The following FBXO3 variants were observed in gnomAD, a reference collection of about 807,000 sequenced individuals.
The protein encoded by FBXO3 is F-box only protein 3.
A neutral mutation model predicts 64.8 loss-of-function variants in FBXO3; 17 were observed. The ratio of observed to expected loss-of-function variants is 0.26; its 90% CI spans 0.18 to 0.39. FBXO3 has a LOEUF of 0.39. Among genes scored for constraint, FBXO3 ranks in the 10% least tolerant of loss-of-function variants. The probability of loss-of-function intolerance (pLI) is 1.00; values close to 1 mark genes in which losing one functional copy is unlikely to be tolerated. For synonymous variants in FBXO3, 182 were observed against 201.6 expected (o/e 0.90, Z 0.82); for missense variants, 420 against 589.9 (o/e 0.71, Z 2.98).
chr11:33,771,446 C>G (rs1015437393), intron 1 of FBXO3: 16 of 152,186 alleles, frequency 1.1e-4, no homozygotes, highest in African/African-American at 3.9e-4. Flanking sequence ...AAGCAAATAA[C>G]TTTCTTACTA....
In FBXO3 at chr11:33,742,867, G is replaced by A. The variant is rs994928995; in HGVS notation, c.1240-783C>T. Reference sequence around the variant, plus strand: ...GTTCATGTGGGTTGGTGTTTGGGAAGTATTCAGTGGGGTGGTTCTGGGTTG... The same window carrying A: ...GTTCATGTGGGTTGGTGTTTGGGAAATATTCAGTGGGGTGGTTCTGGGTTG... On this transcript the variant is annotated intron_variant, in intron 10 of 10. Coordinates refer to ENST00000265651, the MANE Select transcript of FBXO3 (RefSeq NM_012175.4). 3.3e-5 allele frequency: 5 copies of A among 152,196 alleles called. No homozygotes were observed. The East Asian group carries it at 9.6e-4, about 29-fold the overall frequency. 9.4% of individuals were successfully genotyped at this position (152,196 alleles called of 1,614,324 possible). A position where few individuals can be genotyped will look rare whatever the true frequency, so the allele number is the denominator to read the frequency against.
intron 7 of FBXO3, among the ~76,000 whole-genome samples, chr11:33,750,952 G>T (rs575899177): frequency 1.6e-4 from 25 of 152,108 alleles, no homozygotes; most frequent in African/African-American, 5.1e-4. Flanking sequence ...AGTTTCCAGG[G>T]CTAAGGAAAC....
Position 33,774,253 on chromosome 11 carries a change from C to A in FBXO3, c.104+141G>T. The A allele has an allele frequency of 7.1e-6, 5 of 708,338 alleles. No individual in the cohort carries two copies. In the South Asian group the frequency reaches 9.3e-5, roughly 13 times the overall value. 43.9% of individuals were successfully genotyped at this position (708,338 alleles called of 1,614,324 possible). A position where few individuals can be genotyped will look rare whatever the true frequency, so the allele number is the denominator to read the frequency against. On this transcript the variant is annotated intron_variant, in intron 1 of 10. Coordinates refer to ENST00000265651, the MANE Select transcript of FBXO3 (RefSeq NM_012175.4). The stretch of plus-strand genomic sequence containing the variant: ...GTCTCGCCCCGGTCCCCGGTGGCTC[C>A]GCAGGATGAGGGCGGCCCTGGCGTC...
At chr11:33,748,655 T>C (rs1294767884) in intron 9 of FBXO3, 122 bp downstream of exon 9, 2 of 518,310 alleles carry the variant, frequency 3.9e-6, no homozygotes, top group Non-Finnish European at 6.7e-6. Context: ...GAAAAGTTAA[T>C]GCTTAAGGGA....
At chr11:33,752,011 C>A (rs991260092) in intron 6 of FBXO3, among the ~76,000 whole-genome samples, 1 of 152,224 alleles carries the variant, frequency 6.6e-6, no homozygotes, top group Non-Finnish European at 1.5e-5. Flanking sequence ...AGCACCTATT[C>A]TCAGACGTCC....
At position 33,762,343 on chromosome 11, in the gene FBXO3, A is replaced by G. The variant is rs917075950; in HGVS notation, c.359-3742T>C. ...TGAACTCCGTAACTGCAGAAAATACATTGTTTTTAAGTATACACAAAACAC... is the reference window on the plus strand; with the variant it reads ...TGAACTCCGTAACTGCAGAAAATACGTTGTTTTTAAGTATACACAAAACAC... On this transcript the variant is annotated intron_variant, in intron 3 of 10. Transcript: ENST00000265651. 5.9e-5 allele frequency among the ~76,000 whole-genome samples: 9 copies of G among 152,356 alleles called. No individual in the cohort carries two copies. The East Asian group carries it at 1.3e-3, about 23-fold the overall frequency.
At chr11:33,771,836 C>T (rs542757425) in intron 1 of FBXO3, 2 of 152,324 alleles carry the variant, frequency 1.3e-5, no homozygotes, top group African/African-American at 4.8e-5. Flanking sequence ...TCCATACCCT[C>T]TTCTTGATTC....
chr11:33,773,668 T>C (rs767718074), intron 1 of FBXO3: 4 of 152,248 alleles, frequency 2.6e-5, no homozygotes, highest in Admixed American at 1.3e-4. Flanking sequence ...AAACTGGGCA[T>C]TGAACCACCC....
At chr11:33,766,213 T>C (rs1164542550) in intron 3 of FBXO3, among the ~76,000 whole-genome samples, 1 of 152,184 alleles carries the variant, frequency 6.6e-6, no homozygotes, top group Non-Finnish European at 1.5e-5. Context: ...GTGAAAAAGT[T>C]ATGAGGAGCC....
At chr11:33,753,177 A>T (rs955801552) in intron 6 of FBXO3, 5 of 152,226 alleles carry the variant, frequency 3.3e-5, no homozygotes, top group Non-Finnish European at 5.9e-5. Context: ...GGCAGCTGAA[A>T]GGAAGCTCCT....
chr11:33,750,935 C>T (rs556043041), intron 7 of FBXO3, among the ~76,000 whole-genome samples: 3 of 152,248 alleles, frequency 2.0e-5, no homozygotes, highest in Admixed American at 2.0e-4. Flanking sequence ...CAAAAATGAG[C>T]TTATTCAGTT....
chr11:33,766,372 C>T (rs1365011224), intron 3 of FBXO3, among the ~76,000 whole-genome samples: 2 of 152,194 alleles, frequency 1.3e-5, no homozygotes, highest in Non-Finnish European at 2.9e-5. Context: ...CCTGCTGCCT[C>T]CTTGAATGAA....
At position 33,747,185 on chromosome 11, in the gene FBXO3, G is replaced by A; in HGVS notation, c.1184C>T (p.Ala395Val). The A allele has an allele frequency of 6.2e-7, 1 of 1,610,486 alleles. No individual in the cohort carries two copies. The highest frequency in any genetic ancestry group is 8.5e-7 in the Non-Finnish European group (1 of 1,179,194). ...LYFKDKIFNV[A>V]IPRFHMACPT... Reference sequence around the variant, plus strand: ...ACATGCCATATGGAATCGGGGAATGGCAACATTAAAGATCTTGTCTTTAAA... The same window carrying A: ...ACATGCCATATGGAATCGGGGAATGACAACATTAAAGATCTTGTCTTTAAA... Residue 395 changes from alanine (A) to valine (V), a missense_variant, in exon 10 of 11, where the codon GCC becomes GTC. Physicochemically the swap from Ala to Val is moderately conservative, Grantham distance 64. This residue lies in a region of FBXO3 where 337 missense variants were observed against 518.4 expected (regional missense o/e 0.65). Coordinates refer to ENST00000265651, the MANE Select transcript of FBXO3 (RefSeq NM_012175.4).
At chr11:33,757,086 C>T (rs766847317) in intron 4 of FBXO3, 22 of 518,404 alleles carry the variant, frequency 4.2e-5, no homozygotes, top group South Asian at 2.9e-4. Flanking sequence ...TTTGGGATTC[C>T]CTGTACTCAT....
intron 1 of FBXO3, chr11:33,771,226 G>GT (rs1855503120): frequency 6.5e-6 from 1 of 153,484 alleles, no homozygotes; most frequent in Non-Finnish European, 1.4e-5. Context: ...CCCAAGATCT[G>GT]TAAGATGTAT....
At chr11:33,773,401 G>A (rs1165118981) in intron 1 of FBXO3, 1 of 152,284 alleles carries the variant, frequency 6.6e-6, no homozygotes, top group African/African-American at 2.4e-5. Flanking sequence ...CAAGAAATCT[G>A]TATTTATAAA....
intron 1 of FBXO3, chr11:33,774,168 G>A (rs999028291): frequency 1.2e-5 from 6 of 488,286 alleles, no homozygotes; most frequent in South Asian, 6.9e-5. Flanking sequence ...ATATCTCGTC[G>A]CTTCTCATAC....
rs368515184 is a variant in FBXO3 at position 33,747,227 on chromosome 11, G to A, written c.1142C>T (p.Thr381Ile). Residue 381 changes from threonine (T) to isoleucine (I), a missense_variant, in exon 10 of 11, where the codon ACC (threonine) becomes ATC (isoleucine). Thr to Ile is a moderately conservative substitution (Grantham distance 89). This residue lies in a region of FBXO3 where 337 missense variants were observed against 518.4 expected (regional missense o/e 0.65). Coordinates refer to ENST00000265651, the MANE Select transcript of FBXO3 (RefSeq NM_012175.4). The part of the protein sequence containing the change: ...TTSGYMEGYY[T>I]FHFLYFKDKI... ...GTCTTTAAAGTAAAGAAAATGGAAG[G>A]TATAATATCCTTCCATGTATCCTGA... is the stretch of plus-strand genomic sequence containing the variant. The A allele has an allele frequency of 1.2e-6, 2 of 1,613,304 alleles. No individual in the cohort carries two copies. The highest frequency in any genetic ancestry group is 1.7e-5 in the Admixed American group (1 of 59,698).
intron 6 of FBXO3, among the ~76,000 whole-genome samples, chr11:33,752,000 C>A (rs1854972971): frequency 6.6e-6 from 1 of 152,160 alleles, no homozygotes; most frequent in South Asian, 2.1e-4. Flanking sequence ...AGAAAAATAT[C>A]AGCACCTATT....
Sources: gnomAD v4.1 joint callset for allele counts (sites outside exome capture counted in the v4.1 genomes callset) on GRCh38, gnomAD v4.1.1 for gene constraint, gnomAD v4.1.1 regional missense constraint, MANE v1.5 for transcripts, NCBI Gene and HGNC (gene_info 2026-07-23, HGNC 2026-07-21) for gene names.